The following HACE1 variants were observed in gnomAD, a reference collection of about 807,000 sequenced individuals.
HACE1 encodes HECT domain and ankyrin repeat containing E3 ubiquitin protein ligase 1.
Under a neutral mutation model 118.4 loss-of-function variants are expected in HACE1, and 73 were observed. The ratio of observed to expected loss-of-function variants is 0.62; its 90% CI spans 0.51 to 0.75. HACE1 has a LOEUF of 0.75. Ranked by LOEUF, HACE1 falls within the 30% of genes least tolerant of loss-of-function variation. The probability of loss-of-function intolerance (pLI) is 0.00; values close to 1 mark genes in which losing one functional copy is unlikely to be tolerated. For synonymous variants in HACE1, 368 were observed against 374.8 expected, an observed-to-expected ratio of 0.98 and a Z score of 0.21; for missense variants, 749 against 1,102.2, an observed-to-expected ratio of 0.68 and a Z score of 4.54.
chr6:104,790,825 T>C (rs764546120), intron 11 of HACE1, among the ~76,000 whole-genome samples: 15 of 152,186 alleles, frequency 9.9e-5, no homozygotes, highest in African/African-American at 3.4e-4. Flanking sequence ...AATCTGTTAC[T>C]TTAAAATGTC....
intron 5 of HACE1, among the ~76,000 whole-genome samples, chr6:104,835,563 G>C (rs986976689): frequency 1.3e-5 from 2 of 151,126 alleles, no homozygotes; most frequent in African/African-American, 4.9e-5. Context: ...AGAAAAAGTA[G>C]GAAAATTAAA....
chr6:104,792,221 C>G (rs1783100325), intron 10 of HACE1, among the ~76,000 whole-genome samples: 1 of 152,140 alleles, frequency 6.6e-6, no homozygotes, highest in Non-Finnish European at 1.5e-5. Flanking sequence ...GGTTTGTTCT[C>G]TACGTAACGG....
intron 18 of HACE1, 52 bp downstream of exon 18, chr6:104,771,873 G>A (rs1461680295): frequency 7.3e-6 from 9 of 1,240,938 alleles, no homozygotes; most frequent in East Asian, 2.4e-5. Flanking sequence ...TCCTCAAACT[G>A]AAAAAAAAAC....
intron 6 of HACE1, among the ~76,000 whole-genome samples, chr6:104,820,056 A>G (rs566451486): frequency 1.1e-3 from 160 of 152,072 alleles, no homozygotes; most frequent in African/African-American, 3.3e-3. Context: ...TTAGCCGGGA[A>G]TGGTGGCACA....
intron 22 of HACE1, among the ~76,000 whole-genome samples, chr6:104,734,751 C>A (rs1420685111): frequency 6.6e-6 from 1 of 152,128 alleles, no homozygotes; most frequent in Non-Finnish European, 1.5e-5. Flanking sequence ...AATGACTGTA[C>A]TATTTAAAGT....
rs1272738605 is a variant in HACE1 at position 104,846,274 on chromosome 6, G to A, written c.326+2868C>T. On this transcript the variant is annotated intron_variant, in intron 4 of 23. Transcript: ENST00000262903. ...GAACTAAAATATTATGTAACACATG[G>A]GCCCTACCCTTTATGAGCTCATAAT... Among the ~76,000 whole-genome samples the A allele has an allele frequency of 2.6e-5, 4 of 152,032 alleles. No homozygotes were observed. In the East Asian group the frequency reaches 7.7e-4, roughly 29 times the overall value.
chr6:104,794,918 G>A (rs1316828484), intron 10 of HACE1, among the ~76,000 whole-genome samples: 1 of 151,598 alleles, frequency 6.6e-6, no homozygotes, highest in African/African-American at 2.4e-5. Context: ...AAAAATAATT[G>A]TATATATGTG....
At chr6:104,857,337 A>G (rs538287140) in intron 1 of HACE1, among the ~76,000 whole-genome samples, 91 of 151,728 alleles carry the variant, frequency 6.0e-4, no homozygotes, top group African/African-American at 2.1e-3. Flanking sequence ...ATCAAAGAAA[A>G]GCAAATGCAA....
intron 3 of HACE1, among the ~76,000 whole-genome samples, chr6:104,849,651 A>ATTTT (rs10640271): frequency 4.8e-5 from 7 of 146,032 alleles, no homozygotes; most frequent in Admixed American, 6.8e-5. Flanking sequence ...CCTTAAACAC[A>ATTTT]TTTTTTTTTT....
Position 104,859,561 on chromosome 6 carries a change from G to A in HACE1, c.76+6C>T, listed in dbSNP as rs774984488. On this transcript the variant is annotated splice_donor_region_variant and intron_variant, in intron 1 of 23. Coordinates refer to ENST00000262903, the MANE Select transcript of HACE1 (RefSeq NM_020771.4). ...GCGGCCAGCCTGGCCCCGCGACCCG[G>A]CTCACCCTCGGGCAACTCCACGGTG... is the stretch of plus-strand genomic sequence containing the variant. The A allele has an allele frequency of 3.3e-6, 5 of 1,516,714 alleles. No individual in the cohort carries two copies. The highest frequency in any genetic ancestry group is 4.4e-6 in the Non-Finnish European group (5 of 1,137,980). The allele number at this position is 1,516,714 out of a possible 1,614,324, so 94.0% of individuals were successfully genotyped here.
At chr6:104,736,505 C>T (rs1234975566) in intron 22 of HACE1, among the ~76,000 whole-genome samples, 3 of 152,104 alleles carry the variant, frequency 2.0e-5, no homozygotes. Context: ...TGGTCCCAAA[C>T]TCCTGAGCTC....
intron 6 of HACE1, among the ~76,000 whole-genome samples, chr6:104,825,131 T>C (rs528878835): frequency 6.6e-6 from 1 of 150,528 alleles, no homozygotes; most frequent in East Asian, 2.0e-4. Flanking sequence ...TGGCAGAATA[T>C]ATGGATCAAA....
Position 104,777,105 on chromosome 6 carries a change from T to C in HACE1, c.1684A>G (p.Ile562Val), listed in dbSNP as rs145211482. The C allele has an allele frequency of 4.4e-5, 71 of 1,604,696 alleles. No homozygotes were observed. Among genetic ancestry groups the C allele is most frequent in the Non-Finnish European group, 5.4e-5 (63 of 1,171,694 alleles). Reference protein sequence around the residue: ...NDILLVHRDSIFRSSCEVVSK... With the variant: ...NDILLVHRDSVFRSSCEVVSK... Reference sequence around the variant, plus strand: ...ACAACTTCACAGCTACTCCTAAAAATAGAATCTAAATATGTAGCATTGGTT... The same window carrying C: ...ACAACTTCACAGCTACTCCTAAAAACAGAATCTAAATATGTAGCATTGGTT... Residue 562 changes from isoleucine (I) to valine (V), a missense_variant, in exon 16 of 24, where the codon ATT becomes GTT. Physicochemically the swap from Ile to Val is conservative, Grantham distance 29. Around this residue, in one of 5 missense-constraint regions of HACE1, gnomAD observed 195 missense variants for 322.1 expected, o/e 0.61. Transcript: ENST00000262903.
Position 104,744,556 on chromosome 6 carries a change from T to C in HACE1, c.2398A>G (p.Thr800Ala). 2 of 1,606,128 alleles carry C rather than the reference T, an allele frequency of 1.2e-6. No individual in the cohort carries two copies. Among genetic ancestry groups the C allele is most frequent in the Non-Finnish European group, 1.7e-6 (2 of 1,172,848 alleles). Residue 800 changes from threonine (T) to alanine (A), a missense_variant, in exon 21 of 24, where the codon ACA becomes GCA. Thr to Ala is a moderately conservative substitution (Grantham distance 58). Transcript: ENST00000262903. ...CTTTCATAGCCACTTGTGTATTCTG[T>C]ATTTTTTATCCAATCACTCACATCA... The part of the protein sequence containing the change: ...EIDVSDWIKN[T>A]EYTSGYERED...
Position 104,833,065 on chromosome 6 carries a change from C to A in HACE1, c.511G>T (p.Ala171Ser). 6.2e-7 allele frequency: 1 copy of A among 1,613,510 alleles called. No homozygotes were observed. The highest frequency in any genetic ancestry group is 8.5e-7 in the Non-Finnish European group (1 of 1,179,386). The change falls in exon 6 of 24, where the codon GCC (alanine) becomes TCC (serine). Residue 171 changes from alanine (A) to serine (S), a missense_variant. By Grantham distance (99) the Ala-to-Ser change is moderately conservative. Around this residue, in one of 5 missense-constraint regions of HACE1, gnomAD observed 120 missense variants for 219.1 expected, o/e 0.55. Transcript: ENST00000262903. Reference protein sequence around the residue: ...DAMGQTALHVACQNGHKTTVQ... With the variant: ...DAMGQTALHVSCQNGHKTTVQ... ...ACCGTCTTGTGACCGTTCTGGCAGG[C>A]AACATGCAGTGCTGTCTGCCCCATG...
At chr6:104,811,236 CTTTA>C (rs71759768) in intron 7 of HACE1, 71 bp downstream of exon 7, 6,600 of 212,706 alleles carry the variant, frequency 0.031, 193 homozygotes, top group Middle Eastern at 0.049. Context: ...ATATATATTT[CTTTA>C]TTTATACATA....
intron 6 of HACE1, among the ~76,000 whole-genome samples, chr6:104,829,471 GAAATAGA>G (rs1036288643): frequency 1.3e-5 from 2 of 152,048 alleles, no homozygotes; most frequent in African/African-American, 4.8e-5. Context: ...AGGAGGAAAA[GAAATAGA>G]CTAATTTTTC....
Position 104,831,980 on chromosome 6 carries a change from G to GAAGAGAAGAGAAGAGAAGAGGAGGA in HACE1, c.534+1061_534+1062insTCCTCCTCTTCTCTTCTCTTCTCTT, listed in dbSNP as rs71003447. Among the ~76,000 whole-genome samples, 9 of 62,860 alleles carry GAAGAGAAGAGAAGAGAAGAGGAGGA rather than the reference G, an allele frequency of 1.4e-4. 1 individual carries two copies. Among genetic ancestry groups the GAAGAGAAGAGAAGAGAAGAGGAGGA allele is most frequent in the Non-Finnish European group, 1.8e-4 (6 of 33,344 alleles). 41.2% of individuals were successfully genotyped at this position (62,860 alleles called of 152,430 possible). On this transcript the variant is annotated intron_variant, in intron 6 of 23. Transcript: ENST00000262903. ...GAAGAGAAGAGAAGAGAAGAGAAGAGAGGAAGGAAGGAAGGAAGGAAGGAA... is the reference window on the plus strand; with the variant it reads ...GAAGAGAAGAGAAGAGAAGAGAAGAGAAGAGAAGAGAAGAGAAGAGGAGGAAGGAAGGAAGGAAGGAAGGAAGGAA...
chr6:104,814,170 A>G lies in HACE1; in HGVS notation c.535-2777T>C, dbSNP rs909029887. On this transcript the variant is annotated intron_variant, in intron 6 of 23. Transcript: ENST00000262903. ...GACCAAAGGGGAATAACCAAGAAATAATACCAAAAAAGTTCCCAGAACTGA... is the reference window on the plus strand; with the variant it reads ...GACCAAAGGGGAATAACCAAGAAATGATACCAAAAAAGTTCCCAGAACTGA... Among the ~76,000 whole-genome samples, 3 of 137,760 alleles carry G rather than the reference A, an allele frequency of 2.2e-5. 1 individual carries two copies. Among genetic ancestry groups the G allele is most frequent in the Non-Finnish European group, 3.1e-5 (2 of 64,234 alleles). 90.4% of individuals were successfully genotyped at this position (137,760 alleles called of 152,430 possible).
Sources: gnomAD v4.1 joint callset for allele counts (sites outside exome capture counted in the v4.1 genomes callset) on GRCh38, gnomAD v4.1.1 for gene constraint, gnomAD v4.1.1 regional missense constraint, MANE v1.5 for transcripts, NCBI Gene and HGNC (gene_info 2026-07-23, HGNC 2026-07-21) for gene names.